The following REV1 variants were observed in gnomAD, a reference collection of about 807,000 sequenced individuals.
REV1 encodes the protein translesion synthesis protein REV1.
In REV1, 42 loss-of-function variants were observed where a neutral mutation model predicts 137.4. That is an observed-to-expected ratio of 0.31 (90% CI 0.24 to 0.40). The LOEUF (loss-of-function observed/expected upper bound fraction) is 0.40. REV1 is among the 10% of genes least tolerant of loss of function. The pLI, the probability that REV1 is intolerant of heterozygous loss-of-function variation, is 1.00. For synonymous variants in REV1, 524 were observed against 519.2 expected (o/e 1.01, Z -0.12); for missense variants, 1,282 against 1,490.1 (o/e 0.86, Z 2.30).
chr2:99,466,965 G>T (rs1038101927), intron 1 of REV1, among the ~76,000 whole-genome samples: 3 of 152,166 alleles, frequency 2.0e-5, no homozygotes, highest in African/African-American at 7.2e-5. Flanking sequence ...CACAGCACTG[G>T]ACTACATGTA....
Position 99,449,400 on chromosome 2 carries a change from G to C in REV1, c.286C>G (p.Pro96Ala). ...TTTAATTCTTTAATTTTGGCATTGG[G>C]AAGATTTGTGGCAATAATATGTGTT... The part of the protein sequence containing the change: ...KTTHIIATNL[P>A]NAKIKELKGE... The change falls in exon 4 of 23, where the codon CCC becomes GCC. Residue 96 changes from proline (P) to alanine (A), a missense_variant. Coordinates refer to ENST00000258428, the MANE Select transcript of REV1 (RefSeq NM_016316.4). The C allele has an allele frequency of 1.3e-6, 2 of 1,571,980 alleles. No individual in the cohort carries two copies. The highest frequency in any genetic ancestry group is 3.6e-5 in the Admixed American group (2 of 54,962).
At chr2:99,447,601 A>G (rs1373589452) in intron 4 of REV1, among the ~76,000 whole-genome samples, 2 of 152,234 alleles carry the variant, frequency 1.3e-5, no homozygotes, top group East Asian at 3.8e-4. Flanking sequence ...ACAACATGCT[A>G]GGCACTGCAC....
chr2:99,458,043 A>G (rs1476486157), intron 3 of REV1, among the ~76,000 whole-genome samples: 1 of 152,220 alleles, frequency 6.6e-6, no homozygotes, highest in African/African-American at 2.4e-5. Context: ...ATCTAGCACC[A>G]AAGTGACAAG....
intron 13 of REV1, among the ~76,000 whole-genome samples, chr2:99,411,529 C>G (rs756155172): frequency 2.0e-4 from 30 of 151,294 alleles, no homozygotes; most frequent in Non-Finnish European, 2.8e-4. Context: ...TCCTCAGCCT[C>G]CCGAGTAGCT....
intron 9 of REV1, among the ~76,000 whole-genome samples, chr2:99,425,776 C>T (rs1344672899): frequency 1.3e-5 from 2 of 152,178 alleles, no homozygotes; most frequent in Non-Finnish European, 2.9e-5. Flanking sequence ...GTGGCTCATG[C>T]CTGTAATCCC....
intron 21 of REV1, 57 bp downstream of exon 21, chr2:99,402,587 C>A: frequency 6.5e-7 from 1 of 1,526,936 alleles, no homozygotes; most frequent in South Asian, 1.2e-5. Context: ...TTTATGTTCT[C>A]AAATCATGAG....
chr2:99,408,229 G>A (rs1266167081), intron 14 of REV1, 98 bp from the exon 15 acceptor site: 1 of 589,070 alleles, frequency 1.7e-6, no homozygotes, highest in African/African-American at 1.9e-5. Flanking sequence ...TAGAAAAGTT[G>A]TAAACAGTTA....
At chr2:99,418,764 T>C (rs1036196400) in intron 12 of REV1, 64 bp downstream of exon 12, 49 of 1,480,814 alleles carry the variant, frequency 3.3e-5, no homozygotes, top group Non-Finnish European at 4.4e-5. Context: ...CAGTTCTATA[T>C]TATAGATATG....
intron 1 of REV1, among the ~76,000 whole-genome samples, chr2:99,483,002 G>C (rs1313871175): frequency 6.8e-6 from 1 of 147,722 alleles, no homozygotes; most frequent in East Asian, 1.9e-4. Context: ...GGGCGACAAG[G>C]GCAAAACTCC....
chr2:99,438,729 G>A lies in REV1; in HGVS notation c.1085C>T (p.Ser362Leu). 1.9e-6 allele frequency: 3 copies of A among 1,613,652 alleles called. No individual in the cohort carries two copies. Among genetic ancestry groups the A allele is most frequent in the Non-Finnish European group, 2.5e-6 (3 of 1,179,566 alleles). Residue 362 changes from serine to leucine, a missense_variant, in exon 6 of 23, where the codon TCA becomes TTA. Coordinates refer to ENST00000258428, the MANE Select transcript of REV1 (RefSeq NM_016316.4). ...CTCAGTCAATTCACACTTCCACATT[G>A]ATATGTGATGCAGTCTTGAATGAGA... ...FYSHSRLHHI[S>L]MWKCELTEFV...
chr2:99,404,628 A>C lies in REV1; in HGVS notation c.2861T>G (p.Val954Gly). 1 of 1,612,222 alleles carries C rather than the reference A, an allele frequency of 6.2e-7. No homozygotes were observed. Among genetic ancestry groups the C allele is most frequent in the Non-Finnish European group, 8.5e-7 (1 of 1,179,564 alleles). ...TTGCTGGACAGCACAGACTTGCTCT[A>C]CTTGTTCCCGGAGATCAGGTGGAAG... Reference protein sequence around the residue: ...EALPPDLREQVEQVCAVQQAE... With the variant: ...EALPPDLREQGEQVCAVQQAE... The change falls in exon 18 of 23, where the codon GTA (valine) becomes GGA (glycine). Residue 954 changes from valine to glycine, a missense_variant. Val to Gly is a moderately radical substitution (Grantham distance 109, BLOSUM62 -3). Coordinates refer to ENST00000258428, the MANE Select transcript of REV1 (RefSeq NM_016316.4).
intron 8 of REV1, chr2:99,431,769 G>C (rs1208181706): frequency 1.7e-5 from 17 of 985,344 alleles, no homozygotes; most frequent in Non-Finnish European, 2.0e-5. Context: ...GAGTGCGTGG[G>C]TCCCTCCACG....
At chr2:99,448,365 T>A (rs1682494170) in intron 4 of REV1, among the ~76,000 whole-genome samples, 1 of 152,340 alleles carries the variant, frequency 6.6e-6, no homozygotes, top group South Asian at 2.1e-4. Flanking sequence ...CCTCATGTCA[T>A]TTAAAAATAT....
chr2:99,403,599 C>G lies in REV1; in HGVS notation c.3166+96G>C, dbSNP rs1354326189. 7 of 1,517,382 alleles carry G rather than the reference C, an allele frequency of 4.6e-6. No individual in the cohort carries two copies. In the East Asian group the frequency reaches 1.6e-4, roughly 34 times the overall value. 94.0% of individuals were successfully genotyped at this position (1,517,382 alleles called of 1,614,324 possible). ...ATATGAAGAGCTCTTAATGCAACAGCTTAGACTTTGCCCATTATATACTGC... is the reference window on the plus strand; with the variant it reads ...ATATGAAGAGCTCTTAATGCAACAGGTTAGACTTTGCCCATTATATACTGC... On this transcript the variant is annotated intron_variant, in intron 19 of 22. Transcript: ENST00000258428.
intron 7 of REV1, 111 bp downstream of exon 7, chr2:99,435,723 C>G (rs558460444): frequency 4.1e-5 from 24 of 585,054 alleles, no homozygotes; most frequent in African/African-American, 3.2e-4. Flanking sequence ...TTGGAAGAAC[C>G]GATTTTCCCA....
At chr2:99,429,975 T>C in intron 8 of REV1, 27 bp from the exon 9 acceptor site, 2 of 1,377,302 alleles carry the variant, frequency 1.5e-6, no homozygotes, top group Non-Finnish European at 2.0e-6. Context: ...AAATTAATGG[T>C]TATATGTTAT....
At position 99,402,665 on chromosome 2, in the gene REV1, C is replaced by T. The variant is rs1049690574; in HGVS notation, c.3520G>A (p.Glu1174Lys). The stretch of plus-strand genomic sequence containing the variant: ...CAACCTGAAATTGTAGTTATCCATT[C>T]TCTGAGCAAGGTCTTCACATCATTG... ...EFNDVKTLLR[E>K]WITTISDPME... The change falls in exon 21 of 23, where the codon GAA becomes AAA. Residue 1174 changes from glutamate to lysine, a missense_variant. Glu to Lys is a moderately conservative substitution (Grantham distance 56). Transcript: ENST00000258428. 4.0e-5 allele frequency: 64 copies of T among 1,613,874 alleles called. No individual in the cohort carries two copies. The highest frequency in any genetic ancestry group is 5.3e-5 in the Non-Finnish European group (62 of 1,179,962).
chr2:99,446,221 T>C (rs1203307958), intron 4 of REV1, among the ~76,000 whole-genome samples: 1 of 152,184 alleles, frequency 6.6e-6, no homozygotes, highest in Non-Finnish European at 1.5e-5. Context: ...ACCTGGACTC[T>C]AAAACCTACT....
At chr2:99,431,653 G>T in intron 8 of REV1, 1 of 819,936 alleles carries the variant, frequency 1.2e-6, no homozygotes, top group Non-Finnish European at 1.5e-6. Flanking sequence ...TATGCTTGAG[G>T]AGAGAACAGT....
Sources: allele counts gnomAD v4.1 joint callset (sites outside exome capture counted in the v4.1 genomes callset), GRCh38; gene constraint gnomAD v4.1.1; transcripts MANE v1.5; gene names NCBI Gene and HGNC (gene_info 2026-07-23, HGNC 2026-07-21).